Variants in CIP2A observed in about 807,000 individuals in gnomAD.
CIP2A encodes the protein cellular inhibitor of PP2A, also known as protein CIP2A.
CIP2A carries 103 observed loss-of-function variants against 110.9 expected under a neutral mutation model. The observed-to-expected ratio is 0.93, with a 90% CI of 0.79 to 1.09. The LOEUF (loss-of-function observed/expected upper bound fraction) is 1.09. Among genes scored for constraint, CIP2A ranks in the 50% least tolerant of loss-of-function variants. The pLI is 0.00. For missense variants in CIP2A, 1,088 were observed against 1,038.4 expected, an observed-to-expected ratio of 1.05 and a Z score of -0.66; for synonymous variants, 381 against 361.6, an observed-to-expected ratio of 1.05 and a Z score of -0.61.
Position 108,553,743 on chromosome 3 carries a change from A to G in CIP2A, c.2325-13T>C. 2 of 1,512,368 alleles carry G rather than the reference A, an allele frequency of 1.3e-6. No homozygotes were observed. Among genetic ancestry groups the G allele is most frequent in the Non-Finnish European group, 1.8e-6 (2 of 1,098,122 alleles). The allele number at this position is 1,512,368 out of a possible 1,614,324, so 93.7% of individuals were successfully genotyped here. A position where few individuals can be genotyped will look rare whatever the true frequency, so the allele number is the denominator to read the frequency against. On this transcript the variant is annotated splice_polypyrimidine_tract_variant and intron_variant, in intron 18 of 20. Coordinates refer to ENST00000295746, the MANE Select transcript of CIP2A (RefSeq NM_020890.3). ...TTGGGCAATACTTCTGAAGTTATTA[A>G]AAAAAATAGAAGAAAACATTAATGA...
chr3:108,575,135 AATCT>A (rs1401274998), intron 8 of CIP2A: 2 of 152,150 alleles, frequency 1.3e-5, no homozygotes, highest in South Asian at 2.1e-4. Flanking sequence ...AAAAAGAATC[AATCT>A]AACAATCTAC....
intron 1 of CIP2A, chr3:108,585,777 A>G (rs1230687110): frequency 2.2e-6 from 1 of 454,416 alleles, no homozygotes; most frequent in African/African-American, 2.0e-5. Flanking sequence ...TAAAGAAGGA[A>G]GTGAAAAGTG....
rs768301163 is a variant in CIP2A, at chr3:108,569,624, G to A, written c.895-17C>T. On this transcript the variant is annotated splice_polypyrimidine_tract_variant and intron_variant, in intron 8 of 20. Transcript: ENST00000295746. ...TTCTAAAACCTGTGCAATATAAAGT[G>A]TTCATTAAACATCAATTTCACAGAA... 8.8e-6 allele frequency: 14 copies of A among 1,582,338 alleles called. No individual in the cohort carries two copies. Among genetic ancestry groups the A allele is most frequent in the Non-Finnish European group, 1.7e-6 (2 of 1,153,738 alleles).
chr3:108,563,828 A>G (rs779831335), intron 12 of CIP2A, among the ~76,000 whole-genome samples: 11 of 152,006 alleles, frequency 7.2e-5, no homozygotes, highest in Non-Finnish European at 1.6e-4. Context: ...ATTTACATGT[A>G]CTTACTGGTT....
At chr3:108,586,762 G>A (rs1393954559) in intron 1 of CIP2A, among the ~76,000 whole-genome samples, 1 of 152,112 alleles carries the variant, frequency 6.6e-6, no homozygotes, top group Non-Finnish European at 1.5e-5. Context: ...CTGAATTCAT[G>A]CTTTTAATCA....
At chr3:108,587,044 G>A (rs1939065948) in intron 1 of CIP2A, among the ~76,000 whole-genome samples, 1 of 152,106 alleles carries the variant, frequency 6.6e-6, no homozygotes, top group Non-Finnish European at 1.5e-5. Flanking sequence ...AAAACATCAA[G>A]GGTTGGTGTG....
chr3:108,561,213 A>T (rs181107452), intron 13 of CIP2A, among the ~76,000 whole-genome samples: 1 of 152,110 alleles, frequency 6.6e-6, no homozygotes, highest in Non-Finnish European at 1.5e-5. Flanking sequence ...CACTCAGTAC[A>T]TACTTTTCAC....
chr3:108,584,944 A>C, intron 2 of CIP2A, 121 bp downstream of exon 2: 2 of 855,486 alleles, frequency 2.3e-6, no homozygotes, highest in East Asian at 2.7e-5. Context: ...CACAATGCAC[A>C]CTAGACTGAG....
chr3:108,567,350 T>C (rs1938223342), intron 10 of CIP2A, among the ~76,000 whole-genome samples: 2 of 151,690 alleles, frequency 1.3e-5, no homozygotes, highest in Non-Finnish European at 2.9e-5. Context: ...TAGAAGAGGA[T>C]ATTAAACAGG....
intron 20 of CIP2A, 26 bp downstream of exon 20, chr3:108,552,208 A>G: frequency 6.5e-7 from 1 of 1,535,154 alleles, no homozygotes; most frequent in Non-Finnish European, 8.7e-7. Context: ...ATTTTACTGC[A>G]AATGAGAAAT....
intron 7 of CIP2A, among the ~76,000 whole-genome samples, chr3:108,576,735 A>G (rs1411197297): frequency 6.6e-6 from 1 of 152,180 alleles, no homozygotes; most frequent in Non-Finnish European, 1.5e-5. Flanking sequence ...TTACTTATAA[A>G]GCACCTAAAA....
Position 108,585,184 on chromosome 3 carries a change from A to G in CIP2A, c.131T>C (p.Leu44Pro). ...EVISGQKLTR[L>P]FTSNQILTSE... ...TGTTAATATCTGATTTGATGTAAAT[A>G]GTCGTGTGAGTTTCTGTCCAGAAAT... is the stretch of plus-strand genomic sequence containing the variant. The change falls in exon 2 of 21, where the codon CTA (leucine) becomes CCA (proline). Residue 44 changes from leucine to proline, a missense_variant. Leu to Pro is a moderately conservative substitution (Grantham distance 98, BLOSUM62 -3). Transcript: ENST00000295746. 3 of 1,611,072 alleles carry G rather than the reference A, an allele frequency of 1.9e-6. No individual in the cohort carries two copies. In the South Asian group the frequency reaches 3.3e-5, roughly 18 times the overall value.
chr3:108,554,383 T>A lies in CIP2A; in HGVS notation c.2317A>T (p.Asn773Tyr). The change falls in exon 18 of 21, where the codon AAT becomes TAT. Residue 773 changes from asparagine (N) to tyrosine (Y), a missense_variant. Coordinates refer to ENST00000295746, the MANE Select transcript of CIP2A (RefSeq NM_020890.3). ...TAGAACTAGAGATTTTACTTTTCAT[T>A]TTGTTCCTTGAGTGACTCATTCAAC... ...KKLNESLKEQ[N>Y]EKSIAQLIEK... 1 of 1,431,460 alleles carries A rather than the reference T, an allele frequency of 7.0e-7. No homozygotes were observed. Among genetic ancestry groups the A allele is most frequent in the Admixed American group, 1.8e-5 (1 of 54,294 alleles). 88.7% of individuals were successfully genotyped at this position (1,431,460 alleles called of 1,614,324 possible).
Position 108,579,356 on chromosome 3 carries a change from G to A in CIP2A, c.743C>T (p.Thr248Ile), listed in dbSNP as rs757087969. 1.9e-6 allele frequency: 3 copies of A among 1,604,066 alleles called. No individual in the cohort carries two copies. Among genetic ancestry groups the A allele is most frequent in the Non-Finnish European group, 2.6e-6 (3 of 1,171,356 alleles). The part of the protein sequence containing the change: ...IFNILINGDG[T>I]LTRKYSVDLL... Reference sequence around the variant, plus strand: ...GTCAACTGAATACTTTCTAGTTAGAGTGCCATCACCGTTTATGAGAATATT... The same window carrying A: ...GTCAACTGAATACTTTCTAGTTAGAATGCCATCACCGTTTATGAGAATATT... The change falls in exon 7 of 21, where the codon ACT (threonine) becomes ATT (isoleucine). Residue 248 changes from threonine (T) to isoleucine (I), a missense_variant. Coordinates refer to ENST00000295746, the MANE Select transcript of CIP2A (RefSeq NM_020890.3).
intron 8 of CIP2A, among the ~76,000 whole-genome samples, chr3:108,575,227 TTTTA>T (rs1479107210): frequency 1.3e-5 from 2 of 152,080 alleles, no homozygotes; most frequent in African/African-American, 2.4e-5. Context: ...TATTATATGC[TTTTA>T]TTTATACAAA....
Position 108,569,541 on chromosome 3 carries a change from ACAT to A in CIP2A, c.958_960del (p.Met320del). 2 of 1,612,808 alleles carry A rather than the reference ACAT, an allele frequency of 1.2e-6. No homozygotes were observed. On this transcript the variant is annotated inframe_deletion, in exon 9 of 21. Transcript: ENST00000295746. Reference sequence around the variant, plus strand: ...GCGCTGCCAGGTGGAGACTGTTCAAACATCATCTGAGTGAGCATATGGCGCAGC... The same window carrying A: ...GCGCTGCCAGGTGGAGACTGTTCAAACATCTGAGTGAGCATATGGCGCAGC...
At chr3:108,578,928 T>C (rs1463520957) in intron 7 of CIP2A, among the ~76,000 whole-genome samples, 1 of 152,198 alleles carries the variant, frequency 6.6e-6, no homozygotes, top group Non-Finnish European at 1.5e-5. Flanking sequence ...TAGAAATATT[T>C]ATTTTTATTG....
At chr3:108,558,794 G>A (rs1008785005) in intron 16 of CIP2A, among the ~76,000 whole-genome samples, 79 of 152,116 alleles carry the variant, frequency 5.2e-4, no homozygotes, top group Non-Finnish European at 2.4e-4. Flanking sequence ...GGAAATACGA[G>A]AATATGTCAA....
chr3:108,555,455 C>G (rs1404613040), intron 17 of CIP2A, among the ~76,000 whole-genome samples: 5 of 152,106 alleles, frequency 3.3e-5, no homozygotes, highest in Admixed American at 6.6e-5. Context: ...ATACTTGATT[C>G]TTTATAGAAC....
Sources: allele counts gnomAD v4.1 joint callset (sites outside exome capture counted in the v4.1 genomes callset), GRCh38; gene constraint gnomAD v4.1.1; transcripts MANE v1.5; gene names NCBI Gene and HGNC (gene_info 2026-07-23, HGNC 2026-07-21).